CNTNAP5: variants seen among roughly 807,000 people sequenced by gnomAD.
The protein encoded by CNTNAP5 is contactin-associated protein-like 5.
A neutral mutation model predicts 150.2 loss-of-function variants in CNTNAP5; 72 were observed. The ratio of observed to expected loss-of-function variants is 0.48; its 90% CI spans 0.40 to 0.58. The LOEUF is 0.58. CNTNAP5 is among the 20% of genes least tolerant of loss of function. CNTNAP5 has a pLI of 0.00. For missense variants in CNTNAP5, 1,636 were observed against 1,626.2 expected (o/e 1.01, Z -0.10); for synonymous variants, 672 against 619.8 (o/e 1.08, Z -1.25).
chr2:124,489,052 A>G (rs1451031183), intron 7 of CNTNAP5, among the ~76,000 whole-genome samples: 7 of 152,230 alleles, frequency 4.6e-5, no homozygotes, highest in Non-Finnish European at 8.8e-5. Context: ...AGTGGAATCC[A>G]TTGTTTAAAG....
At chr2:124,907,296 C>G (rs1225882579) in intron 22 of CNTNAP5, among the ~76,000 whole-genome samples, 1 of 151,804 alleles carries the variant, frequency 6.6e-6, no homozygotes, top group African/African-American at 2.4e-5. Context: ...AGTGAAAACC[C>G]CTCACAGGTA....
At chr2:124,473,259 G>T (rs1693560620) in intron 6 of CNTNAP5, among the ~76,000 whole-genome samples, 1 of 132,382 alleles carries the variant, frequency 7.6e-6, no homozygotes, top group South Asian at 2.3e-4. Flanking sequence ...GTGGGTTCTT[G>T]GAAAGAAAAA....
rs1039909587 is a variant in CNTNAP5 at position 124,172,563 on chromosome 2, C to T, written c.83-49142C>T. Among the ~76,000 whole-genome samples, 4 of 152,148 alleles carry T rather than the reference C, an allele frequency of 2.6e-5. 1 individual carries two copies. The highest frequency in any genetic ancestry group is 1.3e-4 in the Admixed American group (2 of 15,278). Reference sequence around the variant, plus strand: ...CAGTAGCTGGGTCTGCAGGCATGCACCATCATGCCCAGCATTTTTTTAGTA... The same window carrying T: ...CAGTAGCTGGGTCTGCAGGCATGCATCATCATGCCCAGCATTTTTTTAGTA... On this transcript the variant is annotated intron_variant, in intron 1 of 23. Transcript: ENST00000682447.
rs569470963 is a variant in CNTNAP5, at chr2:124,520,722, AT to A, written c.1328-3574del. ...TATCCTGCTCGTCTCTCCTAAGATA[AT>A]TTTTTTCCCCCATCAAGACATTCTC... On this transcript the variant is annotated intron_variant, in intron 8 of 23. Coordinates refer to ENST00000682447, the MANE Select transcript of CNTNAP5 (RefSeq NM_001367498.1). Among the ~76,000 whole-genome samples the A allele has an allele frequency of 7.9e-5, 12 of 151,892 alleles. No individual in the cohort carries two copies. The East Asian group carries it at 9.8e-4, about 12-fold the overall frequency.
intron 1 of CNTNAP5, among the ~76,000 whole-genome samples, chr2:124,087,949 C>T (rs181737090): frequency 5.3e-4 from 81 of 152,202 alleles, no homozygotes; most frequent in African/African-American, 1.6e-3. Flanking sequence ...TCGATCCTAT[C>T]TTTGGTTTCC....
At chr2:124,801,254 G>A (rs1049458925) in intron 19 of CNTNAP5, among the ~76,000 whole-genome samples, 2 of 152,102 alleles carry the variant, frequency 1.3e-5, no homozygotes, top group Non-Finnish European at 2.9e-5. Flanking sequence ...AAGAAATGCA[G>A]GACTAAGTGC....
At chr2:124,160,406 G>C (rs374533117) in intron 1 of CNTNAP5, among the ~76,000 whole-genome samples, 3 of 151,876 alleles carry the variant, frequency 2.0e-5, no homozygotes, top group Non-Finnish European at 4.4e-5. Context: ...AAAGAAATGG[G>C]ATAACATTAA....
intron 11 of CNTNAP5, among the ~76,000 whole-genome samples, chr2:124,594,077 G>T (rs975260803): frequency 7.6e-4 from 92 of 120,728 alleles, no homozygotes; most frequent in Non-Finnish European, 8.9e-4. Context: ...TTTCTCCCAT[G>T]TTGCAGGTTG....
intron 2 of CNTNAP5, among the ~76,000 whole-genome samples, chr2:124,237,843 A>G (rs1034097550): frequency 6.6e-6 from 1 of 152,150 alleles, no homozygotes; most frequent in Admixed American, 6.5e-5. Context: ...TCTCAAAAGA[A>G]AAAACAACAA....
chr2:124,398,681 A>G (rs967775758), intron 3 of CNTNAP5, among the ~76,000 whole-genome samples: 11 of 152,056 alleles, frequency 7.2e-5, no homozygotes, highest in Non-Finnish European at 1.5e-4. Context: ...TTTTTTCTCC[A>G]TGTTGGTTAG....
At chr2:124,187,474 C>A (rs959253493) in intron 1 of CNTNAP5, among the ~76,000 whole-genome samples, 2 of 152,120 alleles carry the variant, frequency 1.3e-5, no homozygotes, top group South Asian at 4.1e-4. Context: ...CCTGGGAATT[C>A]ATTTAAATAT....
chr2:124,752,025 C>A (rs1394560293), intron 14 of CNTNAP5, among the ~76,000 whole-genome samples: 1 of 152,012 alleles, frequency 6.6e-6, no homozygotes, highest in Non-Finnish European at 1.5e-5. Context: ...TCTAAGGATG[C>A]CCTTAATGAT....
intron 2 of CNTNAP5, among the ~76,000 whole-genome samples, chr2:124,222,968 C>T (rs1686363444): frequency 1.3e-5 from 2 of 151,994 alleles, no homozygotes; most frequent in Non-Finnish European, 2.9e-5. Context: ...AAAAGAATGG[C>T]CAAAGATTCA....
intron 3 of CNTNAP5, among the ~76,000 whole-genome samples, chr2:124,247,749 G>C (rs1186694276): frequency 2.0e-5 from 3 of 151,984 alleles, no homozygotes; most frequent in South Asian, 2.1e-4. Context: ...TTTGAAGAGA[G>C]AGACTGGATA....
In CNTNAP5 at chr2:124,914,439, C is replaced by T. The variant is rs949751128; in HGVS notation, c.*151C>T. On this transcript the variant is annotated 3_prime_UTR_variant, in exon 24 of 24. Transcript: ENST00000682447. ...CTTGCATCCACCACAGCATCAATTC[C>T]CTTGATCCAGCCCAAGAGACCAGGC... 2.8e-5 allele frequency: 18 copies of T among 644,220 alleles called. No individual in the cohort carries two copies. Among genetic ancestry groups the T allele is most frequent in the Middle Eastern group, 4.4e-4 (1 of 2,296 alleles). 39.9% of individuals were successfully genotyped at this position (644,220 alleles called of 1,614,324 possible).
intron 7 of CNTNAP5, among the ~76,000 whole-genome samples, chr2:124,477,861 G>A (rs1161892416): frequency 2.6e-5 from 4 of 152,010 alleles, no homozygotes; most frequent in Admixed American, 2.6e-4. Context: ...TTAGCCTAAT[G>A]TCAGAAATAT....
In CNTNAP5 at chr2:124,892,860, G is replaced by A. The variant is rs368077886; in HGVS notation, c.3437-10022G>A. On this transcript the variant is annotated intron_variant, in intron 21 of 23. Transcript: ENST00000682447. ...ATATGTTTTTTCTTTGCATGAAGGC[G>A]TTGAAGACTTTTAAAATATAAATAT... Among the ~76,000 whole-genome samples, 49 of 152,180 alleles carry A rather than the reference G, an allele frequency of 3.2e-4. No homozygotes were observed. In the South Asian group the frequency reaches 3.3e-3, roughly 10 times the overall value.
chr2:124,328,893 C>G (rs1336686241), intron 3 of CNTNAP5, among the ~76,000 whole-genome samples: 1 of 152,018 alleles, frequency 6.6e-6, no homozygotes. Flanking sequence ...TGACAATAGA[C>G]AGGTTAAAAG....
chr2:124,324,944 T>G (rs1689181575), intron 3 of CNTNAP5, among the ~76,000 whole-genome samples: 1 of 152,244 alleles, frequency 6.6e-6, no homozygotes, highest in Admixed American at 6.5e-5. Context: ...AATGCTCTTT[T>G]ATTCTAGCTC....
Sources: gnomAD v4.1 joint callset for allele counts (sites outside exome capture counted in the v4.1 genomes callset) on GRCh38, gnomAD v4.1.1 for gene constraint, MANE v1.5 for transcripts, NCBI Gene and HGNC (gene_info 2026-07-23, HGNC 2026-07-21) for gene names.